The following SON variants were observed in gnomAD, a reference collection of about 807,000 sequenced individuals.
The protein encoded by SON is protein SON.
In SON, 4 loss-of-function variants were observed where a neutral mutation model predicts 173.3. The ratio of observed to expected loss-of-function variants is 0.02; its 90% CI spans 0.01 to 0.05. The LOEUF is 0.05. Among genes scored for constraint, SON ranks in the 10% least tolerant of loss-of-function variants. The pLI is 1.00. For missense variants in SON, 2,626 were observed against 3,055.3 expected, an observed-to-expected ratio of 0.86 and a Z score of 3.31; for synonymous variants, 1,190 against 1,105.9, an observed-to-expected ratio of 1.08 and a Z score of -1.51.
In SON at chr21:33,551,976, G is replaced by T; in HGVS notation, c.2745G>T (p.Arg915Ser). 1 of 1,613,946 alleles carries T rather than the reference G, an allele frequency of 6.2e-7. No homozygotes were observed. The highest frequency in any genetic ancestry group is 8.5e-7 in the Non-Finnish European group (1 of 1,179,854). ...GTTCAAAATCTCCTGATCCCTATAG[G>T]TTAGCTCAGGATCCTTACAGGTTAG... ...MLGSKSPDPYRLAQDPYRLAQ... is the reference protein window; with the variant it reads ...MLGSKSPDPYSLAQDPYRLAQ... The change falls in exon 3 of 12, where the codon AGG becomes AGT. Residue 915 changes from arginine to serine, a missense_variant. Coordinates refer to ENST00000356577, the MANE Select transcript of SON (RefSeq NM_138927.4).
rs368476925 is a variant in SON at position 33,554,377 on chromosome 21, C to T, written c.5146C>T (p.Leu1716=). 32 of 1,614,084 alleles carry T rather than the reference C, an allele frequency of 2.0e-5. No homozygotes were observed. In the African/African-American group the frequency reaches 4.0e-4, roughly 20 times the overall value. ...KEVPPPPKET[L]PDSGFSANIE... ...AGTACCTCCCCCTCCTAAAGAGACA[C>T]TGCCTGATTCAGGATTTTCTGCCAA... is the stretch of plus-strand genomic sequence containing the variant. The change falls in exon 3 of 12, where the codon CTG becomes TTG. Residue 1716 remains leucine, a synonymous_variant. Transcript: ENST00000356577.
At position 33,548,184 on chromosome 21, in the gene SON, G is replaced by A. The variant is rs1025471840; in HGVS notation, c.245-1292G>A. ...GGTATGTAAATTCAAACCTTCTTAA[G>A]TTGTAAATTAAGGACTAAGAATTTC... On this transcript the variant is annotated intron_variant, in intron 2 of 11. Coordinates refer to ENST00000356577, the MANE Select transcript of SON (RefSeq NM_138927.4). Among the ~76,000 whole-genome samples the A allele has an allele frequency of 7.2e-5, 11 of 151,812 alleles. No individual in the cohort carries two copies. The South Asian group carries it at 2.3e-3, about 31-fold the overall frequency.
At position 33,553,235 on chromosome 21, in the gene SON, C is replaced by A; in HGVS notation, c.4004C>A (p.Thr1335Asn). The A allele has an allele frequency of 6.2e-7, 1 of 1,614,184 alleles. No homozygotes were observed. Among genetic ancestry groups the A allele is most frequent in the Non-Finnish European group, 8.5e-7 (1 of 1,180,040 alleles). Residue 1335 changes from threonine (T) to asparagine (N), a missense_variant, in exon 3 of 12, where the codon ACT becomes AAT. Physicochemically the swap from Thr to Asn is moderately conservative, Grantham distance 65. Around this residue, in one of 13 missense-constraint regions of SON, gnomAD observed 1,006 missense variants for 895.6 expected, o/e 1.12. Transcript: ENST00000356577. ...VSTSLLVPAV[T>N]TPVLAESILE... ...ACATCCTTGTTGGTTCCAGCAGTAA[C>A]TACTCCAGTGCTGGCAGAGAGCATT...
Position 33,553,482 on chromosome 21 carries a change from G to A in SON, c.4251G>A (p.Val1417=). 6.2e-7 allele frequency: 1 copy of A among 1,614,196 alleles called. No individual in the cohort carries two copies. The highest frequency in any genetic ancestry group is 1.3e-5 in the African/African-American group (1 of 75,038). Residue 1417 remains valine (V), a synonymous_variant, in exon 3 of 12, where the codon GTG becomes GTA. Transcript: ENST00000356577. ...TTGTTTCTGCGCTGGAGCCTTCTGT[G>A]CCTGTTCTGGAACCAGCGGTGTCAG... ...VPVVSALEPS[V]PVLEPAVSVL...
chr21:33,574,226 C>T (rs1240506615), intron 9 of SON, among the ~76,000 whole-genome samples: 1 of 152,172 alleles, frequency 6.6e-6, no homozygotes, highest in Non-Finnish European at 1.5e-5. Flanking sequence ...CTTGTTTAAA[C>T]CTCATTTATA....
rs2085871136 is a variant in SON, at chr21:33,553,551, C to G, written c.4320C>G (p.Val1440=). ...TTGTTTCAGAACCATCTGTTTCTGTCCAGGAATCGACTGTGACAGTTTCAG... is the reference window on the plus strand; with the variant it reads ...TTGTTTCAGAACCATCTGTTTCTGTGCAGGAATCGACTGTGACAGTTTCAG... ...SMIVSEPSVS[V]QESTVTVSEP... is the part of the protein sequence containing the mutation. Residue 1440 remains valine, a synonymous_variant, in exon 3 of 12, where the codon GTC becomes GTG. Transcript: ENST00000356577. 1 of 1,614,112 alleles carries G rather than the reference C, an allele frequency of 6.2e-7. No individual in the cohort carries two copies. Among genetic ancestry groups the G allele is most frequent in the Non-Finnish European group, 8.5e-7 (1 of 1,180,012 alleles).
chr21:33,553,448 C>T lies in SON; in HGVS notation c.4217C>T (p.Pro1406Leu). ...GCTGAGCCAGACTATGTTACCATTC[C>T]TGTGCCAGTTGTTTCTGCGCTGGAG... ...VVAEPDYVTI[P>L]VPVVSALEPS... Residue 1406 changes from proline to leucine, a missense_variant, in exon 3 of 12, where the codon CCT becomes CTT. Coordinates refer to ENST00000356577, the MANE Select transcript of SON (RefSeq NM_138927.4). 1 of 1,614,182 alleles carries T rather than the reference C, an allele frequency of 6.2e-7. No homozygotes were observed. The highest frequency in any genetic ancestry group is 8.5e-7 in the Non-Finnish European group (1 of 1,180,030).
chr21:33,569,315 A>T (rs1455181971), intron 8 of SON: 1 of 461,356 alleles, frequency 2.2e-6, no homozygotes, highest in African/African-American at 2.0e-5. Flanking sequence ...TATTTTAAAA[A>T]TTGTTACTGC....
chr21:33,572,446 G>T, intron 8 of SON: 1 of 589,992 alleles, frequency 1.7e-6, no homozygotes. Context: ...TAAGTGGTTT[G>T]CTGCTTTGAT....
In SON at chr21:33,559,924, C is replaced by T. The variant is rs368318611; in HGVS notation, c.6657+149C>T. 8.7e-6 allele frequency: 14 copies of T among 1,612,642 alleles called. No individual in the cohort carries two copies. The highest frequency in any genetic ancestry group is 6.7e-5 in the African/African-American group (5 of 74,908). On this transcript the variant is annotated intron_variant, in intron 6 of 11. Transcript: ENST00000356577. The surrounding 1 kb of genome is among the most constrained non-coding windows in gnomAD (Gnocchi z 4.1). ...GGGTTAGACGACAGATGAAACAACC[C>T]GCAGCTTCTCATTTGACAGTAACTC... is the stretch of plus-strand genomic sequence containing the variant.
At chr21:33,572,562 T>C in intron 8 of SON, 1 of 1,304,208 alleles carries the variant, frequency 7.7e-7, no homozygotes, top group Non-Finnish European at 1.0e-6. Flanking sequence ...GCCAAATCCT[T>C]GTAGCTGTCT....
rs2085918889 is a variant in SON at position 33,554,718 on chromosome 21, C to T, written c.5487C>T (p.Ser1829=). The T allele has an allele frequency of 6.2e-7, 1 of 1,613,756 alleles. No individual in the cohort carries two copies. The highest frequency in any genetic ancestry group is 8.5e-7 in the Non-Finnish European group (1 of 1,179,996). The change falls in exon 3 of 12, where the codon TCC becomes TCT. Residue 1829 remains serine, a synonymous_variant. Coordinates refer to ENST00000356577, the MANE Select transcript of SON (RefSeq NM_138927.4). The part of the protein sequence containing the change: ...DSSLRSRSKR[S]KSSEHKSRKR... ...CATTAAGATCTCGAAGTAAGCGTTC[C>T]AAATCTTCTGAACACAAATCACGCA...
intron 6 of SON, among the ~76,000 whole-genome samples, chr21:33,563,789 G>A (rs2086113332): frequency 6.6e-6 from 1 of 152,134 alleles, no homozygotes; most frequent in Non-Finnish European, 1.5e-5. Context: ...GTTATATGGT[G>A]CCAGTTGCAT....
At position 33,553,415 on chromosome 21, in the gene SON, C is replaced by G; in HGVS notation, c.4184C>G (p.Pro1395Arg). The G allele has an allele frequency of 1.2e-6, 2 of 1,613,902 alleles. No homozygotes were observed. The highest frequency in any genetic ancestry group is 1.7e-6 in the Non-Finnish European group (2 of 1,179,804). The change falls in exon 3 of 12, where the codon CCT (proline) becomes CGT (arginine). Residue 1395 changes from proline to arginine, a missense_variant. Transcript: ENST00000356577. ...TCGGTTGTGACTGTCCCGGAGCCTC[C>G]TGTTGTGGCTGAGCCAGACTATGTT... ...EPSVVTVPEP[P>R]VVAEPDYVTI...
At position 33,549,545 on chromosome 21, in the gene SON, C is replaced by T. The variant is rs767015349; in HGVS notation, c.314C>T (p.Thr105Ile). The T allele has an allele frequency of 1.9e-6, 3 of 1,581,938 alleles. No homozygotes were observed. Among genetic ancestry groups the T allele is most frequent in the Admixed American group, 3.9e-5 (2 of 51,576 alleles). Residue 105 changes from threonine to isoleucine, a missense_variant, in exon 3 of 12, where the codon ACT becomes ATT. Physicochemically the swap from Thr to Ile is moderately conservative, Grantham distance 89 (BLOSUM62 -1). Coordinates refer to ENST00000356577, the MANE Select transcript of SON (RefSeq NM_138927.4). ...VQTDPTDEIP[T>I]KKSKKHKKHK... ...ACAGATCCTACTGATGAAATTCCCACTAAAAAGTCAAAGAAGCATAAAAAG... is the reference window on the plus strand; with the variant it reads ...ACAGATCCTACTGATGAAATTCCCATTAAAAAGTCAAAGAAGCATAAAAAG...
At chr21:33,567,054 CTATTATTTTGTT>C (rs1301299215) in intron 6 of SON, 91 bp from the exon 7 acceptor site, 2 of 593,312 alleles carry the variant, frequency 3.4e-6, no homozygotes, top group Admixed American at 2.8e-5. Context: ...TATTATAAGA[CTATTATTTTGTT>C]TTTGATATGT....
intron 4 of SON, chr21:33,558,033 G>A (rs1412593245): frequency 6.1e-6 from 1 of 163,866 alleles, no homozygotes; most frequent in Non-Finnish European, 1.3e-5. Flanking sequence ...ATACCACACT[G>A]TTTCATATAT....
In SON at chr21:33,577,425, T is replaced by A. The variant is rs2086426894; in HGVS notation, c.*1001T>A. ...ATTACAGTGGTATTCATATGCTATG[T>A]CTCTAAACTTTATTTTCAAAAGCTT... On this transcript the variant is annotated 3_prime_UTR_variant, in exon 12 of 12. Transcript: ENST00000356577. 1 of 152,574 alleles carries A rather than the reference T, an allele frequency of 6.6e-6. No homozygotes were observed. The highest frequency in any genetic ancestry group is 6.5e-5 in the Admixed American group (1 of 15,268). The allele number at this position is 152,574 out of a possible 1,614,324, so 9.5% of individuals were successfully genotyped here. A position where few individuals can be genotyped will look rare whatever the true frequency, so the allele number is the denominator to read the frequency against.
At chr21:33,569,549 GCCCT>G (rs2086238888) in intron 8 of SON, 1 of 401,928 alleles carries the variant, frequency 2.5e-6, no homozygotes, top group Non-Finnish European at 5.1e-6. Context: ...CTATTCCTTT[GCCCT>G]CGCACCCCAC....
Sources: gnomAD v4.1 joint callset for allele counts (sites outside exome capture counted in the v4.1 genomes callset) on GRCh38, gnomAD v4.1.1 for gene constraint, gnomAD v4.1.1 regional missense constraint, Gnocchi (gnomAD v3.1) non-coding constraint, MANE v1.5 for transcripts, NCBI Gene and HGNC (gene_info 2026-07-23, HGNC 2026-07-21) for gene names.